The following XRCC1 variants were observed in gnomAD, a reference collection of about 807,000 sequenced individuals.
XRCC1 encodes DNA repair protein XRCC1.
XRCC1 carries 52 observed loss-of-function variants against 83.3 expected under a neutral mutation model. The observed-to-expected ratio is 0.62, with a 90% CI of 0.50 to 0.79. The LOEUF (loss-of-function observed/expected upper bound fraction) is 0.79. Ranked by LOEUF, XRCC1 falls within the 30% of genes least tolerant of loss-of-function variation. The pLI is 0.00. For missense variants in XRCC1, 793 were observed against 823.5 expected (o/e 0.96, Z 0.45); for synonymous variants, 281 against 312.6 (o/e 0.90, Z 1.07).
chr19:43,565,733 C>A (rs1158025715), intron 2 of XRCC1, among the ~76,000 whole-genome samples: 1 of 152,124 alleles, frequency 6.6e-6, no homozygotes, highest in East Asian at 1.9e-4. Context: ...GCCAGGAGTT[C>A]GAGACCAGCC....
intron 15 of XRCC1, 85 bp downstream of exon 15, chr19:43,544,059 C>T: frequency 1.5e-6 from 2 of 1,309,040 alleles, no homozygotes; most frequent in Non-Finnish European, 2.1e-6. Flanking sequence ...GGTCTTCTTT[C>T]CCACACCCCC....
At chr19:43,555,711 T>G (rs775040955) in intron 3 of XRCC1, among the ~76,000 whole-genome samples, 79 of 152,272 alleles carry the variant, frequency 5.2e-4, no homozygotes, top group Middle Eastern at 6.8e-3. Context: ...CGGTTGCTTC[T>G]CCCTCATATC....
At chr19:43,564,928 G>A (rs142765633) in intron 2 of XRCC1, among the ~76,000 whole-genome samples, 14 of 152,330 alleles carry the variant, frequency 9.2e-5, no homozygotes, top group African/African-American at 3.4e-4. Context: ...AGGAGAACGT[G>A]TCTCCTTGCA....
At chr19:43,548,779 A>AAAAAAC (rs1972546401) in intron 10 of XRCC1, among the ~76,000 whole-genome samples, 2 of 141,740 alleles carry the variant, frequency 1.4e-5, no homozygotes, top group South Asian at 4.8e-4. Flanking sequence ...AAAAAAAAAA[A>AAAAAAC]AAAAAAACAC....
chr19:43,565,417 C>T (rs3213301), intron 2 of XRCC1, among the ~76,000 whole-genome samples: 3 of 152,206 alleles, frequency 2.0e-5, no homozygotes, highest in South Asian at 2.1e-4. Flanking sequence ...GTACTTCGGA[C>T]GCAACTGCCT....
chr19:43,571,975 A>C (rs891414289), intron 2 of XRCC1, among the ~76,000 whole-genome samples: 2 of 152,196 alleles, frequency 1.3e-5, no homozygotes, highest in Admixed American at 1.3e-4. Context: ...CTTCAGCTCC[A>C]CATGTGATCC....
At position 43,552,005 on chromosome 19, in the gene XRCC1, G is replaced by A; in HGVS notation, c.1082+12C>T. The A allele has an allele frequency of 6.2e-7, 1 of 1,612,676 alleles. No individual in the cohort carries two copies. Among genetic ancestry groups the A allele is most frequent in the Admixed American group, 1.7e-5 (1 of 59,976 alleles). ...AAACTGCAGCGGCGCAGGGAGGGGG[G>A]CGCAAGCCTACATGAGGTGCGTGCT... On this transcript the variant is annotated intron_variant, in intron 9 of 16. Coordinates refer to ENST00000262887, the MANE Select transcript of XRCC1 (RefSeq NM_006297.3).
Position 43,554,716 on chromosome 19 carries a change from T to C in XRCC1, c.344A>G (p.Lys115Arg), listed in dbSNP as rs759446446. 6.2e-7 allele frequency: 1 copy of C among 1,613,898 alleles called. No homozygotes were observed. The highest frequency in any genetic ancestry group is 1.1e-5 in the South Asian group (1 of 91,076). The change falls in exon 4 of 17, where the codon AAG becomes AGG. Residue 115 changes from lysine to arginine, a missense_variant. Physicochemically the swap from Lys to Arg is conservative, Grantham distance 26. Coordinates refer to ENST00000262887, the MANE Select transcript of XRCC1 (RefSeq NM_006297.3). The part of the protein sequence containing the change: ...PNRVRMFGPD[K>R]LVRAAAEKRW... ...CTTCTCGGCGGCTGCCCGGACCAGCTTGTCAGGCCCAAACATGCGAACGCG... is the reference window on the plus strand; with the variant it reads ...CTTCTCGGCGGCTGCCCGGACCAGCCTGTCAGGCCCAAACATGCGAACGCG...
intron 13 of XRCC1, 28 bp from the exon 14 acceptor site, chr19:43,545,985 G>A (rs750137650): frequency 1.3e-5 from 21 of 1,613,622 alleles, no homozygotes; most frequent in Non-Finnish European, 1.4e-5. Context: ...AGTAGAGAGT[G>A]AGCATGCAGA....
chr19:43,573,772 G>A (rs369511363), intron 2 of XRCC1, among the ~76,000 whole-genome samples: 1 of 152,144 alleles, frequency 6.6e-6, no homozygotes, highest in Non-Finnish European at 1.5e-5. Flanking sequence ...CTACTCAGGA[G>A]GCTGAGGTGG....
intron 2 of XRCC1, among the ~76,000 whole-genome samples, chr19:43,572,666 T>C (rs1972815739): frequency 6.6e-6 from 1 of 152,102 alleles, no homozygotes; most frequent in Non-Finnish European, 1.5e-5. Context: ...ATGGCAAAAC[T>C]CGGTCTCTAT....
intron 2 of XRCC1, among the ~76,000 whole-genome samples, chr19:43,564,883 G>A (rs991884373): frequency 1.3e-5 from 2 of 152,102 alleles, no homozygotes; most frequent in African/African-American, 2.4e-5. Flanking sequence ...ATCTAGATGC[G>A]GCAGGGCTGC....
chr19:43,546,700 G>A lies in XRCC1; in HGVS notation c.1321C>T (p.Gln441Ter). 1 of 1,610,034 alleles carries A rather than the reference G, an allele frequency of 6.2e-7. No homozygotes were observed. Among genetic ancestry groups the A allele is most frequent in the Non-Finnish European group, 8.5e-7 (1 of 1,178,836 alleles). Residue 441 changes from glutamine (Q) to a stop codon, truncating the protein, a stop_gained, in exon 12 of 17, where the codon CAG (glutamine) becomes TAG (stop). Coordinates refer to ENST00000262887, the MANE Select transcript of XRCC1 (RefSeq NM_006297.3). LOFTEE classifies it high-confidence loss of function. ...TGGGGTGAGCTGGGTCCAGCTGCCT[G>A]AGTGGGCTTGGTTTTGGTCTGGGGT... ...KQPQTKTKPT[Q>*]AAGPSSPQKP...
chr19:43,555,727 C>T (rs1972629512), intron 3 of XRCC1, among the ~76,000 whole-genome samples: 2 of 152,130 alleles, frequency 1.3e-5, no homozygotes, highest in Non-Finnish European at 2.9e-5. Context: ...ATATCTTAGT[C>T]TTCTAGTAAC....
At chr19:43,566,878 CAAAA>C (rs76309782) in intron 2 of XRCC1, among the ~76,000 whole-genome samples, 2 of 98,730 alleles carry the variant, frequency 2.0e-5, no homozygotes. Flanking sequence ...GACTCAATCT[CAAAA>C]AAAAAAAAAA....
chr19:43,559,328 A>C (rs1254751298), intron 3 of XRCC1, among the ~76,000 whole-genome samples: 1 of 150,962 alleles, frequency 6.6e-6, no homozygotes, highest in Admixed American at 6.6e-5. Context: ...CTAAAAATAC[A>C]AAAAATTAGC....
chr19:43,568,657 A>C (rs1046993319), intron 2 of XRCC1, among the ~76,000 whole-genome samples: 3 of 151,996 alleles, frequency 2.0e-5, no homozygotes, highest in Non-Finnish European at 4.4e-5. Flanking sequence ...GGCGGTAGGT[A>C]TATATGCTTG....
Position 43,560,987 on chromosome 19 carries a change from T to C in XRCC1, c.178A>G (p.Ile60Val), listed in dbSNP as rs1463029642. 1.2e-6 allele frequency: 2 copies of C among 1,614,226 alleles called. No homozygotes were observed. Among genetic ancestry groups the C allele is most frequent in the South Asian group, 1.1e-5 (1 of 91,082 alleles). The stretch of plus-strand genomic sequence containing the variant: ...ACGAAAGCTGAGCCATCATTCCCAA[T>C]GTCCACACTGTGTATCTGCTCCTCC... Reference protein sequence around the residue: ...EKEEQIHSVDIGNDGSAFVEV... With the variant: ...EKEEQIHSVDVGNDGSAFVEV... Residue 60 changes from isoleucine (I) to valine (V), a missense_variant, in exon 3 of 17, where the codon ATT becomes GTT. Ile to Val is a conservative substitution (Grantham distance 29). Transcript: ENST00000262887.
At chr19:43,574,870 CCA>C (rs753401184) in intron 2 of XRCC1, 38 bp downstream of exon 2, 38 of 1,558,748 alleles carry the variant, frequency 2.4e-5, no homozygotes, top group Non-Finnish European at 3.1e-5. Context: ...ACCCCGGACT[CCA>C]GACTCCTAGT....
Sources: allele counts gnomAD v4.1 joint callset (sites outside exome capture counted in the v4.1 genomes callset), GRCh38; gene constraint gnomAD v4.1.1; transcripts MANE v1.5; gene names NCBI Gene and HGNC (gene_info 2026-07-23, HGNC 2026-07-21).